The following KCNIP1 variants were observed in gnomAD, a reference collection of about 807,000 sequenced individuals.
KCNIP1 encodes the protein potassium voltage-gated channel interacting protein 1.
Under a neutral mutation model 33.0 loss-of-function variants are expected in KCNIP1, and 18 were observed. The observed-to-expected ratio is 0.55, with a 90% CI of 0.38 to 0.81. The LOEUF is 0.81. Ranked by LOEUF, KCNIP1 falls within the 30% of genes least tolerant of loss-of-function variation. The pLI is 0.00. For synonymous variants in KCNIP1, 93 were observed against 98.3 expected (o/e 0.95, Z 0.32); for missense variants, 238 against 271.6 (o/e 0.88, Z 0.87).
rs140634521 is a variant in KCNIP1, at chr5:170,614,131, G to A, written c.62-104627G>A. ...CAAAGCAGATGGGAACAGCTGGCGAGGAAGGACTGCCTGTCCTGGGAATTG... is the reference window on the plus strand; with the variant it reads ...CAAAGCAGATGGGAACAGCTGGCGAAGAAGGACTGCCTGTCCTGGGAATTG... On this transcript the variant is annotated intron_variant, in intron 1 of 7. Coordinates refer to ENST00000328939, the MANE Select transcript of KCNIP1 (RefSeq NM_014592.4). Among the ~76,000 whole-genome samples the A allele has an allele frequency of 2.4e-3, 360 of 152,326 alleles. 3 individuals are homozygous for A. Among genetic ancestry groups the A allele is most frequent in the African/African-American group, 8.1e-3 (338 of 41,570 alleles).
chr5:170,383,491 G>T, intron 1 of KCNIP1: 2 of 665,084 alleles, frequency 3.0e-6, no homozygotes. Flanking sequence ...GCCAGTTAGC[G>T]GCAGATTCAA....
upstream of KCNIP1, chr5:170,503,979 T>C (rs1754592243): frequency 2.2e-6 from 2 of 909,578 alleles, no homozygotes; most frequent in Non-Finnish European, 2.6e-6. Context: ...CCTCCGTAGT[T>C]GCCCGCCCGC....
intron 1 of KCNIP1, among the ~76,000 whole-genome samples, chr5:170,530,175 C>T (rs1033340496): frequency 6.6e-6 from 1 of 151,836 alleles, no homozygotes; most frequent in African/African-American, 2.4e-5. Flanking sequence ...GTGCTCATGG[C>T]TCATAACATG....
At chr5:170,361,487 G>T (rs560650466) in intron 1 of KCNIP1, among the ~76,000 whole-genome samples, 1 of 152,274 alleles carries the variant, frequency 6.6e-6, no homozygotes, top group East Asian at 1.9e-4. Context: ...AAGCCACTGA[G>T]ATTCCATTTT....
chr5:170,687,506 A>T (rs1338595593), intron 1 of KCNIP1, among the ~76,000 whole-genome samples: 1 of 152,210 alleles, frequency 6.6e-6, no homozygotes, highest in Non-Finnish European at 1.5e-5. Flanking sequence ...TAAATGTTTT[A>T]AAATTATACT....
intron 7 of KCNIP1, among the ~76,000 whole-genome samples, chr5:170,734,956 G>A (rs991474903): frequency 3.9e-5 from 6 of 152,144 alleles, no homozygotes; most frequent in African/African-American, 1.4e-4. Context: ...TCCCACCATG[G>A]GATCTCTGCA....
At chr5:170,573,462 T>A (rs1403864745) in intron 1 of KCNIP1, among the ~76,000 whole-genome samples, 9 of 150,540 alleles carry the variant, frequency 6.0e-5, no homozygotes, top group South Asian at 2.1e-4. Flanking sequence ...AAATTTAAAA[T>A]TTTTCATCAA....
chr5:170,354,101 G>A (rs1400924202), intron 1 of KCNIP1: 5 of 830,510 alleles, frequency 6.0e-6, no homozygotes, highest in Non-Finnish European at 9.7e-6. Context: ...GCTGGGATTC[G>A]AGGTTGCTGA....
intron 1 of KCNIP1, among the ~76,000 whole-genome samples, chr5:170,630,971 G>A (rs914235934): frequency 2.6e-5 from 4 of 152,154 alleles, no homozygotes; most frequent in African/African-American, 4.8e-5. Flanking sequence ...CTGTCAGCAC[G>A]GGACAGTGGA....
intron 1 of KCNIP1, among the ~76,000 whole-genome samples, chr5:170,387,428 TC>T (rs1561599168): frequency 4.5e-4 from 69 of 152,132 alleles, no homozygotes; most frequent in African/African-American, 1.6e-3. Flanking sequence ...CAGGCTGCCC[TC>T]ATACCCGGGC....
Position 170,419,565 on chromosome 5 carries a change from A to C in KCNIP1, c.88+65601A>C, listed in dbSNP as rs540381878. Among the ~76,000 whole-genome samples the C allele has an allele frequency of 3.9e-5, 6 of 152,362 alleles. No homozygotes were observed. The East Asian group carries it at 9.6e-4, about 24-fold the overall frequency. Reference sequence around the variant, plus strand: ...GGAGTCAGAAATTATGTGAAATTATAGAAGAGAAAGTCACCATCTTCCATC... The same window carrying C: ...GGAGTCAGAAATTATGTGAAATTATCGAAGAGAAAGTCACCATCTTCCATC... On this transcript the variant is annotated intron_variant, in intron 1 of 7. Coordinates refer to the KCNIP1 transcript ENST00000377360.
rs59796516 is a variant in KCNIP1, at chr5:170,624,728, GA to G, written c.62-94029del. On this transcript the variant is annotated intron_variant, in intron 1 of 7. Coordinates refer to ENST00000328939, the MANE Select transcript of KCNIP1 (RefSeq NM_014592.4). ...GGGGAGGAGAGGAAAGGAGACCGGGGAGGTGGGGGGGGAGAGGGGAGGGGAG... is the reference window on the plus strand; with the variant it reads ...GGGGAGGAGAGGAAAGGAGACCGGGGGGTGGGGGGGGAGAGGGGAGGGGAG... 1.2e-3 allele frequency among the ~76,000 whole-genome samples: 76 copies of G among 62,644 alleles called. 1 individual carries two copies. In the South Asian group the frequency reaches 0.027, roughly 22 times the overall value. 41.1% of individuals were successfully genotyped at this position (62,644 alleles called of 152,430 possible).
intron 1 of KCNIP1, among the ~76,000 whole-genome samples, chr5:170,506,552 T>G (rs1329641016): frequency 6.6e-6 from 1 of 152,160 alleles, no homozygotes; most frequent in Non-Finnish European, 1.5e-5. Flanking sequence ...GAATTCACCC[T>G]GGATGAATTC....
intron 1 of KCNIP1, among the ~76,000 whole-genome samples, chr5:170,426,153 C>T (rs1300544497): frequency 6.6e-6 from 1 of 152,082 alleles, no homozygotes; most frequent in African/African-American, 2.4e-5. Context: ...TGCAGAGCTC[C>T]TCCATGGTAG....
rs1268160016 is a variant in KCNIP1 at position 170,378,730 on chromosome 5, G to T, written c.88+24766G>T. The T allele has an allele frequency of 1.2e-6, 2 of 1,613,758 alleles. No homozygotes were observed. Among genetic ancestry groups the T allele is most frequent in the Non-Finnish European group, 1.7e-6 (2 of 1,179,858 alleles). On this transcript the variant is annotated intron_variant, in intron 1 of 7. Transcript: ENST00000377360. ...TACTTCTGGGCCGCCAGGATGGACAGGTACTGGTTGCTCTTCACCATGGCG... is the reference window on the plus strand; with the variant it reads ...TACTTCTGGGCCGCCAGGATGGACATGTACTGGTTGCTCTTCACCATGGCG...
At chr5:170,637,316 A>C (rs1041574906) in intron 1 of KCNIP1, among the ~76,000 whole-genome samples, 2 of 151,446 alleles carry the variant, frequency 1.3e-5, no homozygotes, top group African/African-American at 4.9e-5. Context: ...TGGCCACTCC[A>C]TCCAAATGAC....
intron 1 of KCNIP1, among the ~76,000 whole-genome samples, chr5:170,511,311 T>C (rs909834898): frequency 1.3e-5 from 2 of 152,098 alleles, no homozygotes; most frequent in East Asian, 3.8e-4. Context: ...ACCAGGTGAG[T>C]TGGCAGTGCT....
At chr5:170,547,056 T>C (rs748377015) in intron 1 of KCNIP1, among the ~76,000 whole-genome samples, 14 of 152,340 alleles carry the variant, frequency 9.2e-5, no homozygotes, top group Middle Eastern at 3.4e-3. Context: ...TGTTTCCTCT[T>C]GACACATGGA....
chr5:170,516,034 G>A (rs1461401169), intron 1 of KCNIP1, among the ~76,000 whole-genome samples: 1 of 152,184 alleles, frequency 6.6e-6, no homozygotes, highest in East Asian at 1.9e-4. Context: ...TGTTTTGTAT[G>A]CTTGTGACTT....
Sources: gnomAD v4.1 joint callset for allele counts (sites outside exome capture counted in the v4.1 genomes callset) on GRCh38, gnomAD v4.1.1 for gene constraint, MANE v1.5 for transcripts, NCBI Gene and HGNC (gene_info 2026-07-23, HGNC 2026-07-21) for gene names.